SCAP: variants seen among roughly 807,000 people sequenced by gnomAD.
The protein encoded by SCAP is sterol regulatory element-binding protein cleavage-activating protein.
SCAP carries 65 observed loss-of-function variants against 123.6 expected under a neutral mutation model. The ratio of observed to expected loss-of-function variants is 0.53; its 90% CI spans 0.43 to 0.65. The LOEUF is 0.65. Among genes scored for constraint, SCAP ranks in the 30% least tolerant of loss-of-function variants. The pLI, the probability that SCAP is intolerant of heterozygous loss-of-function variation, is 0.00. For synonymous variants in SCAP, 740 were observed against 726.3 expected, an observed-to-expected ratio of 1.02 and a Z score of -0.30; for missense variants, 1,398 against 1,712.5, an observed-to-expected ratio of 0.82 and a Z score of 3.24.
chr3:47,436,124 A>T (rs1317600563), intron 2 of SCAP, among the ~76,000 whole-genome samples: 2 of 152,198 alleles, frequency 1.3e-5, no homozygotes, highest in Non-Finnish European at 2.9e-5. Context: ...TTGCCAAATT[A>T]GATATAAGGG....
At chr3:47,414,134 T>A (rs1331854588) in intron 22 of SCAP, 35 bp from the exon 23 acceptor site, 7 of 1,613,392 alleles carry the variant, frequency 4.3e-6, no homozygotes. Flanking sequence ...CAGTCCTGAG[T>A]CCTTCCCTAA....
At position 47,427,436 on chromosome 3, in the gene SCAP, A is replaced by T; in HGVS notation, c.631+11T>A. 6.2e-7 allele frequency: 1 copy of T among 1,613,572 alleles called. No homozygotes were observed. The highest frequency in any genetic ancestry group is 8.5e-7 in the Non-Finnish European group (1 of 1,179,484). On this transcript the variant is annotated intron_variant, in intron 5 of 22. Coordinates refer to ENST00000265565, the MANE Select transcript of SCAP (RefSeq NM_012235.4). ...CTTTACAGGTCTGAAGGGAACTTGTACTGGGGCTACCTTTGAGTGTGGCTG... is the reference window on the plus strand; with the variant it reads ...CTTTACAGGTCTGAAGGGAACTTGTTCTGGGGCTACCTTTGAGTGTGGCTG...
Position 47,419,382 on chromosome 3 carries a change from G to C in SCAP, c.1886C>G (p.Ser629Cys). The change falls in exon 13 of 23, where the codon TCC (serine) becomes TGC (cysteine). Residue 629 changes from serine (S) to cysteine (C), a missense_variant. By Grantham distance (112) the Ser-to-Cys change is moderately radical. This residue lies in a region of SCAP where 828 missense variants were observed against 882.5 expected (regional missense o/e 0.94). Transcript: ENST00000265565. This position sits in a 1 kb window ranked among gnomAD's most constrained non-coding sequence, Gnocchi z 5.0. ...PEDEELWRKL[S>C]FRHWPTLFSY... ...GAAGAGCGTCGGCCAGTGGCGGAAG[G>C]ACAATTTCCTCCAAAGTTCCTCATC... 1.9e-6 allele frequency: 3 copies of C among 1,613,610 alleles called. No homozygotes were observed. The highest frequency in any genetic ancestry group is 2.5e-6 in the Non-Finnish European group (3 of 1,179,980).
At chr3:47,425,969 G>A (rs745856361) in intron 7 of SCAP, 28 bp downstream of exon 7, 2 of 1,612,812 alleles carry the variant, frequency 1.2e-6, no homozygotes, top group South Asian at 2.2e-5. Flanking sequence ...CTTGGAGAAA[G>A]CCCTCAGCCT....
chr3:47,445,637 T>C (rs1225271839), intron 1 of SCAP, among the ~76,000 whole-genome samples: 1 of 152,108 alleles, frequency 6.6e-6, no homozygotes, highest in Non-Finnish European at 1.5e-5. Context: ...AGCAGCGCGA[T>C]CTCAGCTCAC....
At chr3:47,453,942 C>G (rs1205913209) in intron 1 of SCAP, among the ~76,000 whole-genome samples, 1 of 152,160 alleles carries the variant, frequency 6.6e-6, no homozygotes, top group Non-Finnish European at 1.5e-5. Context: ...CTCTAAACAT[C>G]ATCCTATTCA....
At chr3:47,454,297 G>A (rs982423255) in intron 1 of SCAP, among the ~76,000 whole-genome samples, 1 of 151,070 alleles carries the variant, frequency 6.6e-6, no homozygotes, top group Non-Finnish European at 1.5e-5. Flanking sequence ...AACCCCGGGG[G>A]ACGGAGCCTG....
intron 1 of SCAP, among the ~76,000 whole-genome samples, chr3:47,454,367 CA>C (rs972231001): frequency 1.4e-5 from 2 of 141,660 alleles, no homozygotes; most frequent in African/African-American, 5.2e-5. Context: ...GACTCCGTCA[CA>C]AAAAAAAAAG....
At chr3:47,458,401 C>T (rs992184886) in intron 1 of SCAP, among the ~76,000 whole-genome samples, 1 of 152,102 alleles carries the variant, frequency 6.6e-6, no homozygotes, top group African/African-American at 2.4e-5. Context: ...TGCACTCCAG[C>T]CTGGGCAACA....
Position 47,435,142 on chromosome 3 carries a change from G to A in SCAP, c.123-5C>T. ...GGGAGTTTCAGCAGTGGGTAGCTGG[G>A]ATGTACAAAAAGGAGATAAGAATTA... On this transcript the variant is annotated splice_polypyrimidine_tract_variant and splice_region_variant and intron_variant, in intron 2 of 22. Coordinates refer to ENST00000265565, the MANE Select transcript of SCAP (RefSeq NM_012235.4). 6.2e-7 allele frequency: 1 copy of A among 1,611,210 alleles called. No homozygotes were observed. Among genetic ancestry groups the A allele is most frequent in the South Asian group, 1.1e-5 (1 of 90,788 alleles).
intron 1 of SCAP, among the ~76,000 whole-genome samples, chr3:47,459,567 T>C (rs752935216): frequency 3.5e-4 from 53 of 152,126 alleles, no homozygotes; most frequent in Non-Finnish European, 6.9e-4. Flanking sequence ...AGGACCGTGA[T>C]ACCCACCCGA....
intron 10 of SCAP, 59 bp downstream of exon 10, chr3:47,422,383 G>A: frequency 1.4e-6 from 2 of 1,480,926 alleles, no homozygotes; most frequent in Non-Finnish European, 1.9e-6. Context: ...TGGCTGCACA[G>A]CTGGGGAGCA....
chr3:47,427,287 TGACACA>T (rs778530317), intron 5 of SCAP, 25 bp from the exon 6 acceptor site: 1 of 1,597,526 alleles, frequency 6.3e-7, no homozygotes, highest in African/African-American at 1.3e-5. Context: ...CAGCAGGTAC[TGACACA>T]GAAATGACAG....
Position 47,450,526 on chromosome 3 carries a change from T to TC in SCAP, c.-98-7436dup, listed in dbSNP as rs2107951379. The stretch of plus-strand genomic sequence containing the variant: ...TATATGCAGGGTTTTTTTTTTTTTT[T>TC]CCTTGAGACAGAGTCTCACTCTGTC... On this transcript the variant is annotated intron_variant, in intron 1 of 22. Transcript: ENST00000265565. Among the ~76,000 whole-genome samples, 2 of 120,552 alleles carry TC rather than the reference T, an allele frequency of 1.7e-5. 1 individual carries two copies. Among genetic ancestry groups the TC allele is most frequent in the African/African-American group, 5.7e-5 (2 of 35,290 alleles). The allele number at this position is 120,552 out of a possible 152,430, so 79.1% of individuals were successfully genotyped here.
chr3:47,459,281 C>T (rs1469635700), intron 1 of SCAP, among the ~76,000 whole-genome samples: 1 of 152,232 alleles, frequency 6.6e-6, no homozygotes, highest in Non-Finnish European at 1.5e-5. Flanking sequence ...TATCAGGCCA[C>T]ACAGGCTAAA....
Position 47,420,997 on chromosome 3 carries a change from C to T in SCAP, c.1278G>A (p.Val426=). 6.2e-7 allele frequency: 1 copy of T among 1,614,012 alleles called. No homozygotes were observed. The highest frequency in any genetic ancestry group is 1.1e-5 in the South Asian group (1 of 91,086). Residue 426 remains valine, a synonymous_variant, in exon 11 of 23, where the codon GTG becomes GTA. Transcript: ENST00000265565. This position sits in a 1 kb window ranked among gnomAD's most constrained non-coding sequence, Gnocchi z 5.0. ...ACAGCATCTGAAGGAAGAAGTCAGA[C>T]ACCAGCCCCACGACAGCAAAGAGAC... The part of the protein sequence containing the change: ...EFCLFAVVGL[V]SDFFLQMLFF...
At chr3:47,424,744 A>C (rs2107809559) in intron 8 of SCAP, among the ~76,000 whole-genome samples, 1 of 152,350 alleles carries the variant, frequency 6.6e-6, no homozygotes, top group South Asian at 2.1e-4. Context: ...CAGGTATCTA[A>C]GAGCAACGAA....
Position 47,417,830 on chromosome 3 carries a change from G to A in SCAP, c.2448-4C>T, listed in dbSNP as rs760149510. Reference sequence around the variant, plus strand: ...GCCACTGTCCCGGCGCTGCCTGCTGGGGGCCAGGAGGGCGGAGTGAGAGGG... The same window carrying A: ...GCCACTGTCCCGGCGCTGCCTGCTGAGGGCCAGGAGGGCGGAGTGAGAGGG... On this transcript the variant is annotated splice_polypyrimidine_tract_variant and splice_region_variant and intron_variant, in intron 16 of 22. Coordinates refer to ENST00000265565, the MANE Select transcript of SCAP (RefSeq NM_012235.4). 2.4e-5 allele frequency: 37 copies of A among 1,553,402 alleles called. No individual in the cohort carries two copies. Among genetic ancestry groups the A allele is most frequent in the Non-Finnish European group, 3.1e-5 (36 of 1,154,590 alleles).
Position 47,420,096 on chromosome 3 carries a change from G to T in SCAP, c.1564-392C>A, listed in dbSNP as rs1452926497. 6.6e-6 allele frequency among the ~76,000 whole-genome samples: 1 copy of T among 152,186 alleles called. No homozygotes were observed. On this transcript the variant is annotated intron_variant, in intron 12 of 22. Coordinates refer to ENST00000265565, the MANE Select transcript of SCAP (RefSeq NM_012235.4). The surrounding 1 kb of genome is among the most constrained non-coding windows in gnomAD (Gnocchi z 5.0). ...CCCCCAGAGGTCCTAGTCCCAGGGGGCCTCAGCCTTCCTCCCATCTCAGTT... is the reference window on the plus strand; with the variant it reads ...CCCCCAGAGGTCCTAGTCCCAGGGGTCCTCAGCCTTCCTCCCATCTCAGTT...
Sources: allele counts gnomAD v4.1 joint callset (sites outside exome capture counted in the v4.1 genomes callset), GRCh38; gene constraint gnomAD v4.1.1; regional missense constraint gnomAD v4.1.1; non-coding constraint Gnocchi (gnomAD v3.1); transcripts MANE v1.5; gene names NCBI Gene and HGNC (gene_info 2026-07-23, HGNC 2026-07-21).